SLC6A4: variants seen among roughly 807,000 people sequenced by gnomAD.
SLC6A4 encodes the protein sodium-dependent serotonin transporter.
SLC6A4 carries 22 observed loss-of-function variants against 73.4 expected under a neutral mutation model. That is an observed-to-expected ratio of 0.30 (90% confidence interval 0.21 to 0.43). SLC6A4 has a LOEUF of 0.43. Among genes scored for constraint, SLC6A4 ranks in the 20% least tolerant of loss-of-function variants. The pLI, the probability that SLC6A4 is intolerant of heterozygous loss-of-function variation, is 1.00. For missense variants in SLC6A4, 593 were observed against 808.5 expected (o/e 0.73, Z 3.23); for synonymous variants, 270 against 315.5 (o/e 0.86, Z 1.53).
Position 30,218,883 on chromosome 17 carries a change from G to A in SLC6A4, c.392C>T (p.Pro131Leu), listed in dbSNP as rs201480140. 1.9e-6 allele frequency: 3 copies of A among 1,613,940 alleles called. No individual in the cohort carries two copies. Among genetic ancestry groups the A allele is most frequent in the Non-Finnish European group, 8.5e-7 (1 of 1,179,986 alleles). The change falls in exon 4 of 15, where the codon CCG becomes CTG. Residue 131 changes from proline to leucine, a missense_variant. By Grantham distance (98) the Pro-to-Leu change is moderately conservative. Transcript: ENST00000650711. ...YTIMAIFGGIPLFYMELALGQ... is the reference protein window; with the variant it reads ...YTIMAIFGGILLFYMELALGQ... ...CAGTGCGAGCTCCATGTAAAAGAGC[G>A]GGATTCCCCCAAAAATGGCCATGAT... is the stretch of plus-strand genomic sequence containing the variant.
chr17:30,215,497 T>A, intron 8 of SLC6A4, 114 bp downstream of exon 8: 1 of 835,792 alleles, frequency 1.2e-6, no homozygotes, highest in Non-Finnish European at 2.0e-6. Context: ...GGCAGTGGTA[T>A]CAAGGCCTAA....
chr17:30,230,146 G>GGAGGAGGAGGAGGAA (rs1555591489), intron 1 of SLC6A4, among the ~76,000 whole-genome samples: 2 of 129,842 alleles, frequency 1.5e-5, no homozygotes. Flanking sequence ...AGGAGGAGGA[G>GGAGGAGGAGGAGGAA]GAGGAAGAGG....
In SLC6A4 at chr17:30,211,312, C is replaced by T. The variant is rs6353; in HGVS notation, c.1317G>A (p.Thr439=). 4,998 of 1,586,288 alleles carry T rather than the reference C, an allele frequency of 3.2e-3. 127 individuals carry two copies. In the African/African-American group the frequency reaches 0.059, roughly 19 times the overall value. ...CCATTTCCCCTTCCCATTTCCTCAC[C>T]GTGCTGTCCAAGCCCAGCGTGATTA... ...LMLITLGLDS[T]FAGLEGVITA... is the part of the protein sequence containing the mutation. Residue 439 remains threonine (T), a splice_region_variant and synonymous_variant, in exon 10 of 15, where the codon ACG becomes ACA. Transcript: ENST00000650711. This position sits in a 1 kb window ranked among gnomAD's most constrained non-coding sequence, Gnocchi z 4.0.
chr17:30,214,733 C>T (rs1226011251), intron 8 of SLC6A4, among the ~76,000 whole-genome samples: 1 of 150,350 alleles, frequency 6.7e-6, no homozygotes, highest in Non-Finnish European at 1.5e-5. Flanking sequence ...CCTGGGTTCA[C>T]GCCATTCTCC....
At chr17:30,227,577 C>G (rs909632603) in intron 1 of SLC6A4, among the ~76,000 whole-genome samples, 1 of 152,068 alleles carries the variant, frequency 6.6e-6, no homozygotes, top group African/African-American at 2.4e-5. Context: ...CCTCAACCTC[C>G]CGGGCTCAAG....
Position 30,213,302 on chromosome 17 carries a change from CTTTTTTT to C in SLC6A4, c.1077-442_1077-436del, listed in dbSNP as rs3034289. On this transcript the variant is annotated intron_variant, in intron 8 of 14. Transcript: ENST00000650711. ...CAGAGAGATACCCTCATTTTTTTTT[CTTTTTTT>C]TTTTTTTTTTTGAGACAGAGCCTTG... Among the ~76,000 whole-genome samples, 26 of 129,834 alleles carry C rather than the reference CTTTTTTT, an allele frequency of 2.0e-4. No individual in the cohort carries two copies. In the South Asian group the frequency reaches 2.2e-3, roughly 11 times the overall value. 85.2% of individuals were successfully genotyped at this position (129,834 alleles called of 152,430 possible).
intron 1 of SLC6A4, among the ~76,000 whole-genome samples, chr17:30,226,759 G>A (rs1326696245): frequency 2.0e-5 from 3 of 151,548 alleles, no homozygotes; most frequent in African/African-American, 7.3e-5. Flanking sequence ...GTGCATGTCT[G>A]TAATCCCAGC....
intron 1 of SLC6A4, among the ~76,000 whole-genome samples, chr17:30,234,074 A>T (rs117390397): frequency 0.022 from 3,290 of 152,170 alleles, 61 homozygotes; most frequent in South Asian, 0.07. Context: ...ACTCTTCAAC[A>T]TGCCTCTCCA....
At chr17:30,214,620 CTCTT>C (rs750041879) in intron 8 of SLC6A4, among the ~76,000 whole-genome samples, 48 of 148,590 alleles carry the variant, frequency 3.2e-4, no homozygotes, top group Non-Finnish European at 5.9e-4. Context: ...TTTGCAATTT[CTCTT>C]TCTTTCTTTC....
intron 13 of SLC6A4, among the ~76,000 whole-genome samples, chr17:30,204,936 A>G (rs951379551): frequency 6.6e-6 from 1 of 152,168 alleles, no homozygotes; most frequent in Non-Finnish European, 1.5e-5. Flanking sequence ...ACAGCAGGAA[A>G]TTGACAGAAA....
At chr17:30,218,371 G>A (rs374826948) in intron 4 of SLC6A4, 34 bp from the exon 5 acceptor site, 25 of 1,551,618 alleles carry the variant, frequency 1.6e-5, no homozygotes, top group Middle Eastern at 1.9e-4. Context: ...GACAGAGGCC[G>A]AGTTTAAGGG....
intron 12 of SLC6A4, 48 bp from the exon 13 acceptor site, chr17:30,207,880 G>C: frequency 1.5e-6 from 2 of 1,379,048 alleles, no homozygotes; most frequent in Non-Finnish European, 2.1e-6. Context: ...AAAGGACATG[G>C]GCTGTGCTGC....
chr17:30,213,592 G>A (rs1906456697), intron 8 of SLC6A4, among the ~76,000 whole-genome samples: 1 of 151,942 alleles, frequency 6.6e-6, no homozygotes, highest in African/African-American at 2.4e-5. Flanking sequence ...CCAGTGCAAG[G>A]CCACATTGCT....
Position 30,195,245 on chromosome 17 carries a change from T to C in SLC6A4, c.*3211A>G, listed in dbSNP as rs200997647. ...CTTTTCTATCGTGGTATTAAACCAA[T>C]TGAGAGGGTTTTTTTGTTTTTGTTT... is the stretch of plus-strand genomic sequence containing the variant. On this transcript the variant is annotated 3_prime_UTR_variant, in exon 15 of 15. Coordinates refer to ENST00000650711, the MANE Select transcript of SLC6A4 (RefSeq NM_001045.6). 5.9e-5 allele frequency: 9 copies of C among 152,388 alleles called. No individual in the cohort carries two copies. Among genetic ancestry groups the C allele is most frequent in the Admixed American group, 3.9e-4 (6 of 15,266 alleles). 9.4% of individuals were successfully genotyped at this position (152,388 alleles called of 1,614,324 possible).
At chr17:30,230,116 A>AGGAGGAGGAG (rs1567824225) in intron 1 of SLC6A4, among the ~76,000 whole-genome samples, 2 of 134,076 alleles carry the variant, frequency 1.5e-5, no homozygotes, top group African/African-American at 6.0e-5. Context: ...AGGAAGAGGA[A>AGGAGGAGGAG]GAGGAAGAGG....
intron 1 of SLC6A4, among the ~76,000 whole-genome samples, chr17:30,234,106 C>T (rs1247033814): frequency 6.6e-6 from 1 of 151,970 alleles, no homozygotes; most frequent in Non-Finnish European, 1.5e-5. Flanking sequence ...AATGCTCAGA[C>T]GACTCTAAAC....
Position 30,211,571 on chromosome 17 carries a change from C to T in SLC6A4, c.1205-147G>A. On this transcript the variant is annotated intron_variant, in intron 9 of 14. Coordinates refer to ENST00000650711, the MANE Select transcript of SLC6A4 (RefSeq NM_001045.6). The surrounding 1 kb of genome is among the most constrained non-coding windows in gnomAD (Gnocchi z 4.0). ...AGGTTTTGACACACACCAAGTGCGT[C>T]CTCACACTCTACTCCGTCTGACGTG... 2 of 638,784 alleles carry T rather than the reference C, an allele frequency of 3.1e-6. No individual in the cohort carries two copies. Among genetic ancestry groups the T allele is most frequent in the Non-Finnish European group, 5.8e-6 (2 of 347,680 alleles). The allele number at this position is 638,784 out of a possible 1,614,324, so 39.6% of individuals were successfully genotyped here.
chr17:30,233,357 C>T (rs1339950901), intron 1 of SLC6A4, among the ~76,000 whole-genome samples: 1 of 152,098 alleles, frequency 6.6e-6, no homozygotes, highest in Non-Finnish European at 1.5e-5. Context: ...GCTGGGGAGT[C>T]GGGTTATTGG....
intron 13 of SLC6A4, among the ~76,000 whole-genome samples, chr17:30,204,124 G>T (rs1306659119): frequency 2.6e-5 from 4 of 152,238 alleles, no homozygotes; most frequent in Non-Finnish European, 5.9e-5. Flanking sequence ...TCCACAGTGT[G>T]CTCCCAACAC....
Sources: allele counts gnomAD v4.1 joint callset (sites outside exome capture counted in the v4.1 genomes callset), GRCh38; gene constraint gnomAD v4.1.1; non-coding constraint Gnocchi (gnomAD v3.1); transcripts MANE v1.5; gene names NCBI Gene and HGNC (gene_info 2026-07-23, HGNC 2026-07-21).